The following SH3TC2 variants were observed in gnomAD, a reference collection of about 807,000 sequenced individuals.
The protein encoded by SH3TC2 is SH3 domain and tetratricopeptide repeat-containing protein 2.
SH3TC2 carries 87 observed loss-of-function variants against 124.5 expected under a neutral mutation model. The ratio of observed to expected loss-of-function variants is 0.70; its 90% CI spans 0.59 to 0.84. SH3TC2 has a LOEUF of 0.84. SH3TC2 is among the 40% of genes least tolerant of loss of function. The probability of loss-of-function intolerance (pLI) is 0.00; values close to 1 mark genes in which losing one functional copy is unlikely to be tolerated. For missense variants in SH3TC2, 1,536 were observed against 1,566.4 expected, an observed-to-expected ratio of 0.98 and a Z score of 0.33; for synonymous variants, 634 against 628.5, an observed-to-expected ratio of 1.01 and a Z score of -0.13.
chr5:149,006,764 T>C (rs1228466118), intron 16 of SH3TC2, 117 bp downstream of exon 16: 3 of 1,050,634 alleles, frequency 2.9e-6, no homozygotes, highest in Non-Finnish European at 3.0e-6. Flanking sequence ...ACAAGACTTC[T>C]CATCTTGGCA....
intron 2 of SH3TC2, among the ~76,000 whole-genome samples, chr5:149,051,181 C>T (rs967518319): frequency 7.9e-5 from 12 of 152,136 alleles, no homozygotes; most frequent in South Asian, 2.1e-4. Flanking sequence ...TTTCTCTTTG[C>T]GGGCTTCATC....
chr5:149,041,094 T>A (rs780351750), intron 6 of SH3TC2, among the ~76,000 whole-genome samples: 2 of 152,162 alleles, frequency 1.3e-5, no homozygotes, highest in Non-Finnish European at 2.9e-5. Context: ...ATTCCTAGAC[T>A]CAACCCCAAG....
Position 149,012,704 on chromosome 5 carries a change from C to T in SH3TC2, c.3084G>A (p.Lys1028=). Residue 1028 remains lysine, a synonymous_variant, in exon 13 of 17, where the codon AAG becomes AAA. Transcript: ENST00000515425. ...RSLRRSLTCI[K]ESLRIFIDLG... Reference sequence around the variant, plus strand: ...GGTCAATGAAGATACGCAGGCTCTCCTTGATGCATGTGAGTGACCTCCTGA... The same window carrying T: ...GGTCAATGAAGATACGCAGGCTCTCTTTGATGCATGTGAGTGACCTCCTGA... The T allele has an allele frequency of 6.2e-7, 1 of 1,614,122 alleles. No individual in the cohort carries two copies. Among genetic ancestry groups the T allele is most frequent in the Non-Finnish European group, 8.5e-7 (1 of 1,180,018 alleles).
At chr5:149,025,106 A>C (rs748633503) in intron 12 of SH3TC2, among the ~76,000 whole-genome samples, 3 of 152,114 alleles carry the variant, frequency 2.0e-5, no homozygotes, top group Non-Finnish European at 4.4e-5. Flanking sequence ...TAGTTAATTC[A>C]AGCCTGCCTT....
intron 1 of SH3TC2, among the ~76,000 whole-genome samples, chr5:149,057,012 C>G (rs765769077): frequency 2.0e-5 from 3 of 152,070 alleles, no homozygotes; most frequent in Admixed American, 6.6e-5. Context: ...CATCTACTTT[C>G]CAAAATTCTA....
rs76579569 is a variant in SH3TC2 at position 149,004,672 on chromosome 5, T to G, written c.*39A>C. ...AGAGCCTAGGGCAGTGGGGTCAGAGTCTGGCCATGCCAAATGTCCAGAGAC... is the reference window on the plus strand; with the variant it reads ...AGAGCCTAGGGCAGTGGGGTCAGAGGCTGGCCATGCCAAATGTCCAGAGAC... On this transcript the variant is annotated 3_prime_UTR_variant, in exon 17 of 17. Transcript: ENST00000515425. The G allele has an allele frequency of 1.5e-3, 2,485 of 1,608,934 alleles. 58 individuals are homozygous for G. In the East Asian group the frequency reaches 0.043, roughly 28 times the overall value.
At chr5:149,031,834 A>G (rs1754200072) in intron 8 of SH3TC2, 147 bp from the exon 9 acceptor site, 1 of 1,044,780 alleles carries the variant, frequency 9.6e-7, no homozygotes. Flanking sequence ...TCATCTCACC[A>G]TTGCATACTG....
rs1422972175 is a variant in SH3TC2 at position 148,992,066 on chromosome 5, G to T, written c.*12645C>A. The stretch of plus-strand genomic sequence containing the variant: ...TCCAAAGCCCACCAGCTGCCACTTT[G>T]TATGACATAAAATTATCAGAACATG... On this transcript the variant is annotated 3_prime_UTR_variant, in exon 17 of 17. Coordinates refer to ENST00000515425, the MANE Select transcript of SH3TC2 (RefSeq NM_024577.4). 6.6e-6 allele frequency among the ~76,000 whole-genome samples: 1 copy of T among 152,198 alleles called. No homozygotes were observed. Among genetic ancestry groups the T allele is most frequent in the African/African-American group, 2.4e-5 (1 of 41,442 alleles).
rs79761572 is a variant in SH3TC2 at position 149,051,845 on chromosome 5, C to T, written c.151+297G>A. On this transcript the variant is annotated intron_variant, in intron 2 of 16. Transcript: ENST00000515425. The stretch of plus-strand genomic sequence containing the variant: ...GTTGAATATAAATATTTTTAATTAC[C>T]CCATCTCTCAACACCTTCAAATCTA... Among the ~76,000 whole-genome samples, 154 of 152,262 alleles carry T rather than the reference C, an allele frequency of 1.0e-3. 1 individual carries two copies. The East Asian group carries it at 0.012, about 12-fold the overall frequency.
Position 148,996,516 on chromosome 5 carries a change from TA to T in SH3TC2, c.*8194del, listed in dbSNP as rs2127389362. 6.6e-6 allele frequency among the ~76,000 whole-genome samples: 1 copy of T among 152,296 alleles called. No homozygotes were observed. Among genetic ancestry groups the T allele is most frequent in the African/African-American group, 2.4e-5 (1 of 41,560 alleles). Reference sequence around the variant, plus strand: ...AGTTAGTTTTGTTTTGTTTTATGAATAAGTAGCTTTTTGGTCACCAGGATTA... The same window carrying T: ...AGTTAGTTTTGTTTTGTTTTATGAATAGTAGCTTTTTGGTCACCAGGATTA... On this transcript the variant is annotated 3_prime_UTR_variant, in exon 17 of 17. Transcript: ENST00000515425.
intron 13 of SH3TC2, among the ~76,000 whole-genome samples, chr5:149,010,601 C>A (rs755193819): frequency 2.6e-5 from 4 of 151,986 alleles, no homozygotes; most frequent in Non-Finnish European, 4.4e-5. Context: ...TGAGAGATTG[C>A]TTTTGGTGGT....
chr5:149,047,861 C>T lies in SH3TC2; in HGVS notation c.279+1G>A, dbSNP rs1198337036. On this transcript the variant is annotated splice_donor_variant, in intron 3 of 16. Transcript: ENST00000515425. LOFTEE classifies it high-confidence loss of function. ...CATTCACCTGTTTCCTTCATGCTCA[C>T]CTTAAACAGCATGCGCACCTCCTGG... The T allele has an allele frequency of 1.7e-5, 28 of 1,613,934 alleles. No homozygotes were observed. Among genetic ancestry groups the T allele is most frequent in the Non-Finnish European group, 2.4e-5 (28 of 1,179,958 alleles).
intron 14 of SH3TC2, among the ~76,000 whole-genome samples, chr5:149,009,770 C>G (rs1209682356): frequency 6.6e-6 from 1 of 152,108 alleles, no homozygotes; most frequent in Non-Finnish European, 1.5e-5. Context: ...CTTGCCTCAT[C>G]CTTCGCAATA....
In SH3TC2 at chr5:148,997,483, T is replaced by C. The variant is rs1753530919; in HGVS notation, c.*7228A>G. 6.6e-6 allele frequency among the ~76,000 whole-genome samples: 1 copy of C among 152,220 alleles called. No homozygotes were observed. Among genetic ancestry groups the C allele is most frequent in the Non-Finnish European group, 1.5e-5 (1 of 68,044 alleles). On this transcript the variant is annotated 3_prime_UTR_variant, in exon 17 of 17. Transcript: ENST00000515425. Reference sequence around the variant, plus strand: ...GGTCAACAATAACACCAGTATTTCTTTTTCAAGACCTCCTGGAAAGTCAGT... The same window carrying C: ...GGTCAACAATAACACCAGTATTTCTCTTTCAAGACCTCCTGGAAAGTCAGT...
chr5:149,030,648 G>A (rs1325232504), intron 9 of SH3TC2, among the ~76,000 whole-genome samples: 1 of 152,262 alleles, frequency 6.6e-6, no homozygotes, highest in Non-Finnish European at 1.5e-5. Flanking sequence ...CCTGAGGCAT[G>A]TGCTTTCACA....
At chr5:149,044,743 G>A in intron 3 of SH3TC2, 105 bp from the exon 4 acceptor site, 1 of 819,070 alleles carries the variant, frequency 1.2e-6, no homozygotes, top group South Asian at 1.5e-5. Context: ...TTATGGCATT[G>A]ATTTTTACGT....
At chr5:149,038,144 C>T in intron 8 of SH3TC2, 151 bp downstream of exon 8, 1 of 675,858 alleles carries the variant, frequency 1.5e-6, no homozygotes, top group East Asian at 2.6e-5. Flanking sequence ...CTTTCTATCA[C>T]TCTCTGTATC....
At chr5:149,022,834 T>C (rs933052764) in intron 12 of SH3TC2, among the ~76,000 whole-genome samples, 3 of 152,118 alleles carry the variant, frequency 2.0e-5, no homozygotes, top group Non-Finnish European at 4.4e-5. Flanking sequence ...ATGTCCAGAA[T>C]AGGCAAATCC....
intron 12 of SH3TC2, among the ~76,000 whole-genome samples, chr5:149,025,528 A>G (rs903971467): frequency 6.6e-6 from 1 of 152,238 alleles, no homozygotes; most frequent in African/African-American, 2.4e-5. Flanking sequence ...AGTCATTTAT[A>G]ATTATGAATG....
Sources: allele counts gnomAD v4.1 joint callset (sites outside exome capture counted in the v4.1 genomes callset), GRCh38; gene constraint gnomAD v4.1.1; transcripts MANE v1.5; gene names NCBI Gene and HGNC (gene_info 2026-07-23, HGNC 2026-07-21).